Variants in KCNH1 observed in about 807,000 individuals in gnomAD.
KCNH1 encodes the protein voltage-gated delayed rectifier potassium channel KCNH1.
In KCNH1, 27 loss-of-function variants were observed where a neutral mutation model predicts 69.2. That is an observed-to-expected ratio of 0.39 (90% CI 0.29 to 0.54). KCNH1 has a LOEUF of 0.54. Ranked by LOEUF, KCNH1 falls within the 20% of genes least tolerant of loss-of-function variation. KCNH1 has a pLI of 0.68. For synonymous variants in KCNH1, 456 were observed against 487.7 expected, an observed-to-expected ratio of 0.93 and a Z score of 0.86; for missense variants, 798 against 1,261.6, an observed-to-expected ratio of 0.63 and a Z score of 5.57.
At chr1:210,960,894 C>T (rs1688279994) in intron 6 of KCNH1, among the ~76,000 whole-genome samples, 1 of 152,156 alleles carries the variant, frequency 6.6e-6, no homozygotes, top group African/African-American at 2.4e-5. Context: ...TCTGGTTCCT[C>T]CATATCAACA....
chr1:211,081,733 C>T (rs569838642), intron 5 of KCNH1, among the ~76,000 whole-genome samples: 11 of 152,260 alleles, frequency 7.2e-5, no homozygotes, highest in African/African-American at 2.6e-4. Context: ...AAACCAAACA[C>T]CACATGTTCT....
At chr1:210,982,222 T>C (rs1558552473) in intron 6 of KCNH1, among the ~76,000 whole-genome samples, 1 of 29,908 alleles carries the variant, frequency 3.3e-5, no homozygotes, top group East Asian at 4.8e-4. Context: ...GAGAATACTT[T>C]TATTATTATT....
At chr1:210,926,457 G>A (rs1687576282) in intron 6 of KCNH1, among the ~76,000 whole-genome samples, 1 of 152,140 alleles carries the variant, frequency 6.6e-6, no homozygotes, top group Non-Finnish European at 1.5e-5. Context: ...AGACCCAGAA[G>A]AGCAAAAACA....
intron 2 of KCNH1, 45 bp downstream of exon 2, chr1:211,107,209 A>G: frequency 6.2e-7 from 1 of 1,603,896 alleles, no homozygotes; most frequent in East Asian, 2.2e-5. Flanking sequence ...TTTCCAAAAG[A>G]TACCATAATA....
intron 6 of KCNH1, among the ~76,000 whole-genome samples, chr1:211,006,578 T>TG (rs139161444): frequency 0.097 from 14,825 of 152,198 alleles, 2,062 homozygotes; most frequent in African/African-American, 0.31. Context: ...GAGGGATGTC[T>TG]GGGAGTTGGT....
At chr1:210,892,501 C>T (rs1686770888) in intron 7 of KCNH1, among the ~76,000 whole-genome samples, 1 of 152,286 alleles carries the variant, frequency 6.6e-6, no homozygotes. Context: ...CTCCCCCACA[C>T]ATGCCTCCAT....
chr1:210,829,819 C>T (rs1574281947), intron 7 of KCNH1, among the ~76,000 whole-genome samples: 1 of 152,288 alleles, frequency 6.6e-6, no homozygotes, highest in South Asian at 2.1e-4. Context: ...TCTATGATCC[C>T]CAACTCCCCA....
At chr1:211,018,188 T>C (rs571669061) in intron 6 of KCNH1, among the ~76,000 whole-genome samples, 1 of 152,246 alleles carries the variant, frequency 6.6e-6, no homozygotes, top group Non-Finnish European at 1.5e-5. Context: ...CTCAGGTATT[T>C]CTCTATAGCA....
intron 5 of KCNH1, among the ~76,000 whole-genome samples, chr1:211,021,828 T>C (rs556836743): frequency 3.9e-5 from 6 of 152,032 alleles, no homozygotes; most frequent in African/African-American, 1.4e-4. Flanking sequence ...GATAAGAAAT[T>C]GAAGAGGACA....
chr1:211,119,406 T>C lies in KCNH1; in HGVS notation c.80-12029A>G, dbSNP rs750110817. Among the ~76,000 whole-genome samples the C allele has an allele frequency of 4.6e-5, 7 of 152,192 alleles. No homozygotes were observed. The South Asian group carries it at 1.2e-3, about 27-fold the overall frequency. On this transcript the variant is annotated intron_variant, in intron 1 of 10. Transcript: ENST00000271751. ...AGTTTGAGTAAAAGTATACTTTCCT[T>C]CTTTTAGAATAATTAAAGAATTGAA...
At chr1:210,939,219 C>A (rs1250034498) in intron 6 of KCNH1, among the ~76,000 whole-genome samples, 1 of 152,088 alleles carries the variant, frequency 6.6e-6, no homozygotes, top group Non-Finnish European at 1.5e-5. Context: ...AATCCTTGAC[C>A]TTTTGGAACT....
chr1:210,824,983 G>A (rs1685005181), intron 7 of KCNH1, among the ~76,000 whole-genome samples: 1 of 152,084 alleles, frequency 6.6e-6, no homozygotes, highest in Non-Finnish European at 1.5e-5. Flanking sequence ...CTTATAAAAA[G>A]TCTTTTTATT....
intron 5 of KCNH1, among the ~76,000 whole-genome samples, chr1:211,067,693 C>T (rs1690556850): frequency 6.6e-6 from 1 of 152,130 alleles, no homozygotes; most frequent in Non-Finnish European, 1.5e-5. Flanking sequence ...TTCAGCATCC[C>T]CTACCCGGTC....
Position 210,683,621 on chromosome 1 carries a change from GTCT to G in KCNH1, c.2627_2629del (p.Lys876del). 1.2e-6 allele frequency: 2 copies of G among 1,614,216 alleles called. No homozygotes were observed. Among genetic ancestry groups the G allele is most frequent in the African/African-American group, 1.3e-5 (1 of 75,058 alleles). On this transcript the variant is annotated inframe_deletion, in exon 11 of 11. Coordinates refer to ENST00000271751, the MANE Select transcript of KCNH1 (RefSeq NM_172362.3). The surrounding 1 kb of genome is among the most constrained non-coding windows in gnomAD (Gnocchi z 5.7). ...GGTGATGCCACTGTCACACGAGTCT[GTCT>G]TCTTCAGTGTGGCCTCGCCTGACGC...
intron 6 of KCNH1, among the ~76,000 whole-genome samples, chr1:210,991,274 G>A (rs377755521): frequency 1.4e-4 from 22 of 152,218 alleles, no homozygotes; most frequent in East Asian, 7.7e-4. Context: ...ATTATACAGC[G>A]TTTTTTAAGA....
At chr1:210,957,862 T>C (rs557687546) in intron 6 of KCNH1, among the ~76,000 whole-genome samples, 1 of 152,314 alleles carries the variant, frequency 6.6e-6, no homozygotes, top group Admixed American at 6.5e-5. Context: ...CTTGCCTCTT[T>C]ATCCAATTTG....
intron 7 of KCNH1, among the ~76,000 whole-genome samples, chr1:210,830,713 G>A (rs113504798): frequency 0.079 from 12,060 of 152,132 alleles, 614 homozygotes; most frequent in Non-Finnish European, 0.11. Flanking sequence ...TGAGTCATTC[G>A]GACCATAATC....
At chr1:211,066,401 C>G (rs1475486504) in intron 5 of KCNH1, among the ~76,000 whole-genome samples, 1 of 152,042 alleles carries the variant, frequency 6.6e-6, no homozygotes, top group Non-Finnish European at 1.5e-5. Flanking sequence ...GAATGGAACC[C>G]AAGTCTAAAC....
At chr1:211,062,370 A>T (rs1477053597) in intron 5 of KCNH1, among the ~76,000 whole-genome samples, 1 of 152,178 alleles carries the variant, frequency 6.6e-6, no homozygotes, top group Admixed American at 6.5e-5. Flanking sequence ...CACTAAAAGA[A>T]ACATTGGGGA....
Sources: gnomAD v4.1 joint callset for allele counts (sites outside exome capture counted in the v4.1 genomes callset) on GRCh38, gnomAD v4.1.1 for gene constraint, Gnocchi (gnomAD v3.1) non-coding constraint, MANE v1.5 for transcripts, NCBI Gene and HGNC (gene_info 2026-07-23, HGNC 2026-07-21) for gene names.